Variants in ATP8A2 observed in about 807,000 individuals in gnomAD.
The protein encoded by ATP8A2 is phospholipid-transporting ATPase IB.
ATP8A2 carries 100 observed loss-of-function variants against 165.6 expected under a neutral mutation model. That is an observed-to-expected ratio of 0.60 (90% confidence interval 0.51 to 0.71). The LOEUF (loss-of-function observed/expected upper bound fraction) is 0.71, where lower values mean the gene tolerates loss of function less well. Ranked by LOEUF, ATP8A2 falls within the 30% of genes least tolerant of loss-of-function variation. The pLI is 0.00. For missense variants in ATP8A2, 1,227 were observed against 1,479.5 expected, an observed-to-expected ratio of 0.83 and a Z score of 2.80; for synonymous variants, 543 against 548.8, an observed-to-expected ratio of 0.99 and a Z score of 0.15.
At chr13:25,579,690 C>A in intron 21 of ATP8A2, 118 bp from the exon 22 acceptor site, 1 of 1,132,520 alleles carries the variant, frequency 8.8e-7, no homozygotes, top group Non-Finnish European at 1.3e-6. Context: ...ATTAGAGTGA[C>A]CTAAAGCACA....
intron 10 of ATP8A2, among the ~76,000 whole-genome samples, chr13:25,549,789 C>A (rs1439896014): frequency 6.6e-6 from 1 of 151,978 alleles, no homozygotes; most frequent in Non-Finnish European, 1.5e-5. Flanking sequence ...GTGCTAAAAC[C>A]CGAGATGTTG....
At chr13:25,615,861 T>C (rs2040809683) in intron 24 of ATP8A2, among the ~76,000 whole-genome samples, 1 of 152,172 alleles carries the variant, frequency 6.6e-6, no homozygotes, top group African/African-American at 2.4e-5. Context: ...CCTTTCACAT[T>C]TTCACACTTT....
chr13:25,839,413 C>G, intron 29 of ATP8A2, 133 bp from the exon 30 acceptor site: 1 of 534,022 alleles, frequency 1.9e-6, no homozygotes, highest in Non-Finnish European at 3.4e-6. Flanking sequence ...TTTTCAAATT[C>G]AAGAATAATA....
At position 25,788,645 on chromosome 13, in the gene ATP8A2, C is replaced by A. The variant is rs538059299; in HGVS notation, c.2679+13686C>A. ...GGGGCTAAGTCTTCCCTTGCTCTAC[C>A]TTAAAGACAGCTCTACCTTAAACAT... On this transcript the variant is annotated intron_variant, in intron 27 of 36. Coordinates refer to ENST00000381655, the MANE Select transcript of ATP8A2 (RefSeq NM_016529.6). Among the ~76,000 whole-genome samples the A allele has an allele frequency of 1.6e-4, 23 of 145,872 alleles. No individual in the cohort carries two copies. In the South Asian group the frequency reaches 4.6e-3, roughly 29 times the overall value.
At chr13:25,850,554 A>G (rs9511940) in intron 30 of ATP8A2, among the ~76,000 whole-genome samples, 63,993 of 151,046 alleles carry the variant, frequency 0.42, 13,718 homozygotes, top group African/African-American at 0.46. Context: ...CACAGACGGT[A>G]GATAAATACT....
At chr13:25,797,080 CAACATGGTGA>C (rs1224651976) in intron 27 of ATP8A2, among the ~76,000 whole-genome samples, 1 of 143,624 alleles carries the variant, frequency 7.0e-6, no homozygotes, top group East Asian at 2.1e-4. Context: ...CCAGCCTGGC[CAACATGGTGA>C]AACCCCATCT....
intron 2 of ATP8A2, among the ~76,000 whole-genome samples, chr13:25,506,940 C>CATAT (rs59774160): frequency 0.024 from 3,061 of 128,658 alleles, 85 homozygotes; most frequent in African/African-American, 0.039. Context: ...CAGTACAGTA[C>CATAT]ATATATATAT....
At position 25,884,133 on chromosome 13, in the gene ATP8A2, A is replaced by T. The variant is rs1277010854; in HGVS notation, c.3183+21725A>T. Among the ~76,000 whole-genome samples the T allele has an allele frequency of 2.0e-5, 3 of 152,112 alleles. No individual in the cohort carries two copies. In the East Asian group the frequency reaches 5.8e-4, roughly 29 times the overall value. On this transcript the variant is annotated intron_variant, in intron 33 of 36. Transcript: ENST00000381655. ...GACATGGTGGGAGAATGGTTAATGG[A>T]AGGACAGTGGGGCCTTTCACTCCTG...
intron 23 of ATP8A2, among the ~76,000 whole-genome samples, chr13:25,585,545 A>T (rs570923894): frequency 2.6e-5 from 4 of 152,236 alleles, no homozygotes; most frequent in South Asian, 4.1e-4. Context: ...GTTACCCATC[A>T]TTTGATACTT....
chr13:25,720,003 C>G (rs774884608), intron 25 of ATP8A2, among the ~76,000 whole-genome samples: 1 of 151,908 alleles, frequency 6.6e-6, no homozygotes, highest in Non-Finnish European at 1.5e-5. Flanking sequence ...GTGCTGGTGT[C>G]TGGGTCTTGG....
intron 24 of ATP8A2, among the ~76,000 whole-genome samples, chr13:25,639,089 A>G (rs2041446207): frequency 6.9e-6 from 1 of 144,492 alleles, no homozygotes; most frequent in African/African-American, 2.6e-5. Flanking sequence ...CCTGCCCTAC[A>G]AGAGCTCCTG....
intron 24 of ATP8A2, among the ~76,000 whole-genome samples, chr13:25,666,846 C>A (rs112040657): frequency 0.017 from 2,658 of 152,294 alleles, 78 homozygotes; most frequent in African/African-American, 0.06. Context: ...GCCAAAACTA[C>A]TTCTGCTATC....
chr13:25,610,598 G>C (rs182318378), intron 24 of ATP8A2, among the ~76,000 whole-genome samples: 1 of 152,096 alleles, frequency 6.6e-6, no homozygotes, highest in Non-Finnish European at 1.5e-5. Context: ...GGCTATGTGG[G>C]CTCTCTTTTG....
intron 33 of ATP8A2, among the ~76,000 whole-genome samples, chr13:25,952,886 T>C (rs1281020995): frequency 2.0e-5 from 3 of 152,196 alleles, no homozygotes; most frequent in Admixed American, 2.0e-4. Flanking sequence ...AAAAGGTTCA[T>C]AGTAAAAAGA....
chr13:25,577,197 G>A lies in ATP8A2; in HGVS notation c.1782+59G>A, dbSNP rs1211708132. Reference sequence around the variant, plus strand: ...TTCTTGGCAGCTTTGTTAATCTGCCGCTTTTCCTAACTGCTTTCCTCATCA... The same window carrying A: ...TTCTTGGCAGCTTTGTTAATCTGCCACTTTTCCTAACTGCTTTCCTCATCA... On this transcript the variant is annotated intron_variant, in intron 20 of 36. Transcript: ENST00000381655. The A allele has an allele frequency of 1.6e-5, 22 of 1,368,922 alleles. No individual in the cohort carries two copies. In the East Asian group the frequency reaches 2.1e-4, roughly 13 times the overall value. The allele number at this position is 1,368,922 out of a possible 1,614,324, so 84.8% of individuals were successfully genotyped here.
At chr13:25,708,870 T>A (rs527496742) in intron 25 of ATP8A2, among the ~76,000 whole-genome samples, 1 of 152,382 alleles carries the variant, frequency 6.6e-6, no homozygotes, top group East Asian at 1.9e-4. Context: ...CTGACAGAGC[T>A]AACTAAAGTT....
At chr13:25,981,636 T>G (rs1956172010) in intron 35 of ATP8A2, among the ~76,000 whole-genome samples, 2 of 152,336 alleles carry the variant, frequency 1.3e-5, no homozygotes, top group South Asian at 4.1e-4. Flanking sequence ...TCGTATGTTC[T>G]TATACTAATT....
At position 26,012,017 on chromosome 13, in the gene ATP8A2, T is replaced by C. The variant is rs1042059874; in HGVS notation, c.3378-514T>C. On this transcript the variant is annotated intron_variant, in intron 35 of 36. Transcript: ENST00000381655. ...ACAGCAGTGGCAACCTTGAAGGGAATAGGTTCAGGAAAGGCAGGGACTGCT... is the reference window on the plus strand; with the variant it reads ...ACAGCAGTGGCAACCTTGAAGGGAACAGGTTCAGGAAAGGCAGGGACTGCT... Among the ~76,000 whole-genome samples, 18 of 152,152 alleles carry C rather than the reference T, an allele frequency of 1.2e-4. 1 individual carries two copies. Among genetic ancestry groups the C allele is most frequent in the Non-Finnish European group, 5.9e-5 (4 of 68,030 alleles).
chr13:25,742,588 A>C (rs2043937308), intron 25 of ATP8A2, among the ~76,000 whole-genome samples: 1 of 151,774 alleles, frequency 6.6e-6, no homozygotes, highest in Non-Finnish European at 1.5e-5. Flanking sequence ...AAGGGAGATA[A>C]ATAGTATTCA....
Sources: allele counts gnomAD v4.1 joint callset (sites outside exome capture counted in the v4.1 genomes callset), GRCh38; gene constraint gnomAD v4.1.1; transcripts MANE v1.5; gene names NCBI Gene and HGNC (gene_info 2026-07-23, HGNC 2026-07-21).